Variants in NBEA observed in about 807,000 individuals in gnomAD.
NBEA encodes lysosomal-trafficking regulator 2.
Under a neutral mutation model 343.4 loss-of-function variants are expected in NBEA, and 44 were observed. The observed-to-expected ratio is 0.13, with a 90% CI of 0.10 to 0.16. The LOEUF (loss-of-function observed/expected upper bound fraction) is 0.16, where lower values mean the gene tolerates loss of function less well. NBEA is among the 10% of genes least tolerant of loss of function. NBEA has a pLI of 1.00. For synonymous variants in NBEA, 1,175 were observed against 1,238.7 expected (o/e 0.95, Z 1.08); for missense variants, 2,555 against 3,631.3 (o/e 0.70, Z 7.62).
chr13:35,488,301 C>T (rs2076376256), intron 41 of NBEA, among the ~76,000 whole-genome samples: 1 of 151,820 alleles, frequency 6.6e-6, no homozygotes. Flanking sequence ...CTTAATAAGA[C>T]CTCAGGATAC....
At chr13:35,008,411 A>C (rs2061382176) in intron 1 of NBEA, among the ~76,000 whole-genome samples, 1 of 152,194 alleles carries the variant, frequency 6.6e-6, no homozygotes. Context: ...TAGATTACTT[A>C]TAATGGCCTA....
In NBEA at chr13:35,566,361, A is replaced by AAAAT. The variant is rs145844674; in HGVS notation, c.6923-524_6923-521dup. Among the ~76,000 whole-genome samples the AAAAT allele has an allele frequency of 7.9e-4, 120 of 151,380 alleles. No individual in the cohort carries two copies. The South Asian group carries it at 0.018, about 22-fold the overall frequency. ...GGGCGACAGAGGGAGACACCATCTC[A>AAAAT]AAATAAATAAATAAATAAATAAAAG... On this transcript the variant is annotated intron_variant, in intron 44 of 58. Transcript: ENST00000379939.
chr13:35,312,875 C>G (rs1470258841), intron 36 of NBEA, among the ~76,000 whole-genome samples: 1 of 152,102 alleles, frequency 6.6e-6, no homozygotes, highest in African/African-American at 2.4e-5. Context: ...GAGAGTTTTT[C>G]ACTTTTGGGT....
intron 10 of NBEA, among the ~76,000 whole-genome samples, chr13:35,076,421 G>A (rs545505014): frequency 5.6e-4 from 85 of 152,152 alleles, no homozygotes; most frequent in South Asian, 1.7e-3. Flanking sequence ...TTTATAAGTA[G>A]TAAAAAGTAA....
intron 30 of NBEA, among the ~76,000 whole-genome samples, chr13:35,193,955 T>G (rs2072394189): frequency 6.6e-6 from 1 of 151,986 alleles, no homozygotes; most frequent in South Asian, 2.1e-4. Flanking sequence ...TTGAATAATA[T>G]GAGGATGTTA....
chr13:34,989,572 G>A (rs1009527075), intron 1 of NBEA, among the ~76,000 whole-genome samples: 20 of 150,666 alleles, frequency 1.3e-4, no homozygotes, highest in African/African-American at 3.6e-4. Flanking sequence ...TGGTCCAGTC[G>A]TCTCCCACTA....
At chr13:35,099,155 G>C (rs1227298523) in intron 11 of NBEA, among the ~76,000 whole-genome samples, 1 of 146,780 alleles carries the variant, frequency 6.8e-6, no homozygotes. Flanking sequence ...TCAGCCTCCC[G>C]AGTGTCTGGG....
rs141426777 is a variant in NBEA at position 35,456,068 on chromosome 13, C to G, written c.6448+3833C>G. ...AATTTTAGTTTTGCTTATAGATAGT[C>G]TATGTGTGGTCCAAATCAATCTGGT... On this transcript the variant is annotated intron_variant, in intron 40 of 58. Coordinates refer to ENST00000379939, the MANE Select transcript of NBEA (RefSeq NM_001385012.1). Among the ~76,000 whole-genome samples the G allele has an allele frequency of 2.4e-3, 371 of 151,982 alleles. 3 individuals carry two copies. Among genetic ancestry groups the G allele is most frequent in the African/African-American group, 8.4e-3 (350 of 41,506 alleles).
intron 34 of NBEA, chr13:35,251,474 C>G (rs970652429): frequency 1.9e-6 from 2 of 1,065,972 alleles, no homozygotes; most frequent in African/African-American, 3.4e-5. Flanking sequence ...AGCTGTTCCC[C>G]AAGCCAGGTG....
intron 35 of NBEA, among the ~76,000 whole-genome samples, chr13:35,294,719 T>C (rs1378278798): frequency 6.6e-6 from 1 of 152,150 alleles, no homozygotes; most frequent in Non-Finnish European, 1.5e-5. Flanking sequence ...TAAAAAATTA[T>C]GACCTGATAC....
At chr13:35,520,921 A>G (rs1199872490) in intron 41 of NBEA, among the ~76,000 whole-genome samples, 1 of 150,934 alleles carries the variant, frequency 6.6e-6, no homozygotes, top group Admixed American at 6.6e-5. Flanking sequence ...CTGATGAGGA[A>G]AATTTTTCAT....
chr13:35,384,124 G>A (rs1236555605), intron 38 of NBEA, among the ~76,000 whole-genome samples: 1 of 152,118 alleles, frequency 6.6e-6, no homozygotes, highest in South Asian at 2.1e-4. Context: ...GCATGCGGAA[G>A]TCACTAAGAC....
intron 49 of NBEA, 45 bp from the exon 50 acceptor site, chr13:35,645,824 A>G (rs773593837): frequency 4.9e-6 from 6 of 1,213,166 alleles, no homozygotes; most frequent in Non-Finnish European, 7.0e-6. Flanking sequence ...TTTATTTTGT[A>G]TAATTGGTAG....
At chr13:35,393,011 C>T (rs559297321) in intron 38 of NBEA, among the ~76,000 whole-genome samples, 3 of 152,102 alleles carry the variant, frequency 2.0e-5, no homozygotes, top group Non-Finnish European at 2.9e-5. Flanking sequence ...CTAGCACTTT[C>T]GGAGTCCTAT....
intron 48 of NBEA, among the ~76,000 whole-genome samples, chr13:35,612,937 T>A (rs966621564): frequency 2.0e-5 from 3 of 152,082 alleles, no homozygotes; most frequent in Admixed American, 1.3e-4. Flanking sequence ...TTATTTTTAA[T>A]TGACAATTAA....
chr13:35,533,305 T>C (rs940055482), intron 41 of NBEA, among the ~76,000 whole-genome samples: 21 of 152,200 alleles, frequency 1.4e-4, no homozygotes, highest in African/African-American at 5.1e-4. Context: ...TTGAGCTTTT[T>C]TAAAAGGAAA....
chr13:35,477,974 A>T (rs894951822), intron 41 of NBEA, among the ~76,000 whole-genome samples: 13 of 152,186 alleles, frequency 8.5e-5, no homozygotes, highest in Admixed American at 7.9e-4. Flanking sequence ...TGTGGTTTTT[A>T]AAACTAGGTG....
At chr13:35,400,367 A>G (rs1334252186) in intron 38 of NBEA, among the ~76,000 whole-genome samples, 1 of 151,984 alleles carries the variant, frequency 6.6e-6, no homozygotes, top group Non-Finnish European at 1.5e-5. Context: ...TCATAGAACT[A>G]TTGTAAGAAT....
intron 57 of NBEA, 45 bp from the exon 58 acceptor site, chr13:35,668,323 T>A (rs186742939): frequency 9.1e-6 from 14 of 1,531,102 alleles, no homozygotes; most frequent in Admixed American, 4.1e-5. Flanking sequence ...GTGTATTTTA[T>A]TTTATTTTGT....
Sources: gnomAD v4.1 joint callset for allele counts (sites outside exome capture counted in the v4.1 genomes callset) on GRCh38, gnomAD v4.1.1 for gene constraint, MANE v1.5 for transcripts, NCBI Gene and HGNC (gene_info 2026-07-23, HGNC 2026-07-21) for gene names.